CCDC178: variants seen among roughly 807,000 people sequenced by gnomAD.
CCDC178 encodes coiled-coil domain containing 178, also known as coiled-coil domain-containing protein 178.
In CCDC178, 126 loss-of-function variants were observed where a neutral mutation model predicts 117.4. The ratio of observed to expected loss-of-function variants is 1.07; its 90% confidence interval spans 0.93 to 1.24. The LOEUF is 1.24. Among genes scored for constraint, CCDC178 ranks in the 50% most tolerant of loss-of-function variants. The pLI is 0.00. For synonymous variants in CCDC178, 283 were observed against 313.4 expected, an observed-to-expected ratio of 0.90 and a Z score of 1.02; for missense variants, 1,030 against 986.9, an observed-to-expected ratio of 1.04 and a Z score of -0.59.
At chr18:33,293,565 G>A (rs8098441) in intron 11 of CCDC178, among the ~76,000 whole-genome samples, 118,036 of 151,908 alleles carry the variant, frequency 0.78, 48,361 homozygotes, top group South Asian at 0.92. Context: ...CTTAGTAGGC[G>A]GAGATGGGAG....
At chr18:33,033,492 C>T (rs193074779) in intron 21 of CCDC178, among the ~76,000 whole-genome samples, 29 of 152,162 alleles carry the variant, frequency 1.9e-4, no homozygotes, top group African/African-American at 6.3e-4. Flanking sequence ...TTCCCAACCT[C>T]GCCTGTCTCC....
chr18:33,099,282 A>T (rs187041254), intron 20 of CCDC178, among the ~76,000 whole-genome samples: 34 of 152,182 alleles, frequency 2.2e-4, no homozygotes, highest in Admixed American at 1.8e-3. Flanking sequence ...ATAGTATATG[A>T]TCCTGTGCAC....
intron 2 of CCDC178, among the ~76,000 whole-genome samples, chr18:33,415,483 T>C (rs555423460): frequency 2.1e-5 from 3 of 145,794 alleles, no homozygotes; most frequent in African/African-American, 5.1e-5. Context: ...TTCTCACTCA[T>C]AGGTGAGAAT....
At chr18:33,247,640 C>T (rs1211273911) in intron 14 of CCDC178, among the ~76,000 whole-genome samples, 1 of 151,650 alleles carries the variant, frequency 6.6e-6, no homozygotes, top group Non-Finnish European at 1.5e-5. Context: ...TGTATGTATA[C>T]TTTTGAGTCT....
rs183282429 is a variant in CCDC178 at position 33,287,773 on chromosome 18, C to T, written c.1176+5386G>A. 4.5e-4 allele frequency among the ~76,000 whole-genome samples: 68 copies of T among 150,872 alleles called. No individual in the cohort carries two copies. The East Asian group carries it at 0.012, about 26-fold the overall frequency. On this transcript the variant is annotated intron_variant, in intron 12 of 22. Coordinates refer to ENST00000383096, the MANE Select transcript of CCDC178 (RefSeq NM_001105528.4). ...CAGCCTGGGCAACAGAGAGAGACAC[C>T]GTCTCAAAATAAATGAATGAATAAA...
chr18:33,374,583 T>C lies in CCDC178; in HGVS notation c.209-4394A>G, dbSNP rs532957606. Among the ~76,000 whole-genome samples, 96 of 152,320 alleles carry C rather than the reference T, an allele frequency of 6.3e-4. 1 individual carries two copies. In the South Asian group the frequency reaches 0.019, roughly 31 times the overall value. ...CTTTGGAAAACAATTTGGCAATTTC[T>C]TATAAAAGTTAAACTTACCATATTA... On this transcript the variant is annotated intron_variant, in intron 5 of 22. Coordinates refer to ENST00000383096, the MANE Select transcript of CCDC178 (RefSeq NM_001105528.4).
At chr18:33,255,148 C>T (rs1466427620) in intron 14 of CCDC178, among the ~76,000 whole-genome samples, 1 of 152,034 alleles carries the variant, frequency 6.6e-6, no homozygotes, top group Non-Finnish European at 1.5e-5. Context: ...TTGACCTTCT[C>T]CAGCATGTTC....
At chr18:32,956,792 A>AAT (rs2054604340) in intron 22 of CCDC178, 1 of 152,218 alleles carries the variant, frequency 6.6e-6, no homozygotes, top group South Asian at 2.1e-4. Flanking sequence ...ATGACTACAG[A>AAT]ATTCTACTAA....
chr18:33,242,452 A>T (rs1364820707), intron 15 of CCDC178, among the ~76,000 whole-genome samples: 1 of 151,902 alleles, frequency 6.6e-6, no homozygotes, highest in African/African-American at 2.4e-5. Context: ...GGAACAGTCA[A>T]CAGAGTGAAA....
chr18:33,339,813 G>T (rs1190385243), intron 9 of CCDC178, among the ~76,000 whole-genome samples: 1 of 151,942 alleles, frequency 6.6e-6, no homozygotes, highest in African/African-American at 2.4e-5. Context: ...TTCACCACCG[G>T]TCATAATTCT....
At chr18:33,312,468 C>T (rs538580165) in intron 11 of CCDC178, among the ~76,000 whole-genome samples, 21 of 152,180 alleles carry the variant, frequency 1.4e-4, no homozygotes, top group African/African-American at 5.1e-4. Flanking sequence ...CTCATGAGGC[C>T]CCAGCAGTAT....
intron 14 of CCDC178, among the ~76,000 whole-genome samples, chr18:33,259,012 T>C (rs1432294681): frequency 6.6e-6 from 1 of 152,136 alleles, no homozygotes; most frequent in Non-Finnish European, 1.5e-5. Context: ...ACTAGGTTAG[T>C]CCTTGAGGAT....
intron 15 of CCDC178, among the ~76,000 whole-genome samples, chr18:33,234,004 C>A: frequency 6.6e-6 from 1 of 152,040 alleles, no homozygotes; most frequent in East Asian, 1.9e-4. Flanking sequence ...AGTACTAACC[C>A]AGTAGAATGG....
chr18:33,155,185 T>C (rs2058380095), intron 20 of CCDC178, among the ~76,000 whole-genome samples: 1 of 152,114 alleles, frequency 6.6e-6, no homozygotes, highest in African/African-American at 2.4e-5. Context: ...ATAGACTTCA[T>C]TGTAAACCAA....
At chr18:33,025,101 G>A (rs1019879995) in intron 21 of CCDC178, among the ~76,000 whole-genome samples, 4 of 152,154 alleles carry the variant, frequency 2.6e-5, no homozygotes, top group Admixed American at 6.5e-5. Context: ...GTCAACAACT[G>A]TATATAAAGA....
chr18:33,138,791 G>A (rs149161666), intron 20 of CCDC178, among the ~76,000 whole-genome samples: 27 of 152,192 alleles, frequency 1.8e-4, no homozygotes, highest in African/African-American at 6.0e-4. Context: ...TGACTCCAAA[G>A]CCCTTCTTCC....
intron 11 of CCDC178, among the ~76,000 whole-genome samples, chr18:33,295,886 AT>A: frequency 6.6e-6 from 1 of 152,316 alleles, no homozygotes; most frequent in Non-Finnish European, 1.5e-5. Flanking sequence ...TTTTTATAAA[AT>A]TAAACTTACA....
intron 21 of CCDC178, among the ~76,000 whole-genome samples, chr18:33,047,700 A>G (rs1276149025): frequency 6.6e-6 from 1 of 152,196 alleles, no homozygotes; most frequent in Non-Finnish European, 1.5e-5. Flanking sequence ...AGCAAAGAAC[A>G]TGGGACTCTA....
chr18:33,299,652 G>A (rs367812419), intron 11 of CCDC178, among the ~76,000 whole-genome samples: 2 of 151,704 alleles, frequency 1.3e-5, no homozygotes, highest in East Asian at 3.9e-4. Context: ...AAAAGCTTCT[G>A]CACAGCAAAC....
Sources: gnomAD v4.1 joint callset for allele counts (sites outside exome capture counted in the v4.1 genomes callset) on GRCh38, gnomAD v4.1.1 for gene constraint, MANE v1.5 for transcripts, NCBI Gene and HGNC (gene_info 2026-07-23, HGNC 2026-07-21) for gene names.